Variants in LPAR6 observed in about 807,000 individuals in gnomAD.
LPAR6 encodes lysophosphatidic acid receptor 6.
In LPAR6, 17 loss-of-function variants were observed where a neutral mutation model predicts 22.0. The ratio of observed to expected loss-of-function variants is 0.77; its 90% confidence interval spans 0.53 to 1.16. The LOEUF (loss-of-function observed/expected upper bound fraction) is 1.16. Ranked by LOEUF, LPAR6 falls within the 50% of genes most tolerant of loss-of-function variation. The probability of loss-of-function intolerance (pLI) is 0.00; values close to 1 mark genes in which losing one functional copy is unlikely to be tolerated. For missense variants in LPAR6, 384 were observed against 406.9 expected, an observed-to-expected ratio of 0.94 and a Z score of 0.48; for synonymous variants, 136 against 139.8, an observed-to-expected ratio of 0.97 and a Z score of 0.19.
Position 48,420,359 on chromosome 13 carries a change from A to G in LPAR6, c.-954+2291T>C, listed in dbSNP as rs1474489734. Among the ~76,000 whole-genome samples the G allele has an allele frequency of 2.6e-5, 4 of 152,252 alleles. No individual in the cohort carries two copies. In the East Asian group the frequency reaches 7.7e-4, roughly 29 times the overall value. ...CACTGCTTCATGCTAAAAACTCTCA[A>G]TAAACTTCATATTGATGGAATGTAT... is the stretch of plus-strand genomic sequence containing the variant. On this transcript the variant is annotated intron_variant, in intron 2 of 4. Transcript: ENST00000345941.
At chr13:48,442,712 G>A (rs942167770) in intron 1 of LPAR6, among the ~76,000 whole-genome samples, 7 of 152,104 alleles carry the variant, frequency 4.6e-5, no homozygotes, top group East Asian at 1.9e-4. Flanking sequence ...CTCCCTTGGA[G>A]CTGCCTCCCA....
chr13:48,404,223 C>A (rs1441492934), intron 1 of LPAR6: 2 of 152,026 alleles, frequency 1.3e-5, no homozygotes, highest in Non-Finnish European at 2.9e-5. Context: ...AAGAGAGAAG[C>A]AGAACAGAAA....
chr13:48,430,442 A>G (rs1949117379), upstream of LPAR6, among the ~76,000 whole-genome samples: 2 of 152,212 alleles, frequency 1.3e-5, no homozygotes, highest in Non-Finnish European at 2.9e-5. Context: ...TGAGCACGTT[A>G]GAAAAATAAC....
chr13:48,402,636 CAAAGTGCTGGG>C lies in LPAR6; in HGVS notation n.115-12835_115-12825del, dbSNP rs1334454690. ...AAGTGATCCTATTGCTTTGGCTTCC[CAAAGTGCTGGG>C]ATTAGTCATGAGCTGCCACTCTTGG... On this transcript the variant is annotated intron_variant and non_coding_transcript_variant, in intron 1 of 1. Transcript: ENST00000462781. 3.9e-5 allele frequency among the ~76,000 whole-genome samples: 6 copies of C among 152,014 alleles called. No homozygotes were observed. In the South Asian group the frequency reaches 1.0e-3, roughly 26 times the overall value.
downstream of LPAR6, among the ~76,000 whole-genome samples, chr13:48,406,918 G>T (rs1948745391): frequency 6.6e-6 from 1 of 150,426 alleles, no homozygotes; most frequent in South Asian, 2.1e-4. Context: ...AACAAACAGG[G>T]TTCTTACCCT....
chr13:48,402,881 T>C (rs915703868), intron 1 of LPAR6, among the ~76,000 whole-genome samples: 10 of 152,154 alleles, frequency 6.6e-5, no homozygotes, highest in Non-Finnish European at 1.5e-4. Context: ...CTATATGACA[T>C]ATAAATCAAA....
chr13:48,394,974 A>T (rs1948636744), intron 1 of LPAR6, among the ~76,000 whole-genome samples: 1 of 152,200 alleles, frequency 6.6e-6, no homozygotes, highest in African/African-American at 2.4e-5. Flanking sequence ...GGCAGGAATC[A>T]ACAGACACCT....
intron 1 of LPAR6, among the ~76,000 whole-genome samples, chr13:48,403,861 A>T (rs900126361): frequency 6.6e-6 from 1 of 151,808 alleles, no homozygotes; most frequent in African/African-American, 2.4e-5. Flanking sequence ...CTATGAGAAT[A>T]AAAAAAATGC....
At chr13:48,392,238 G>A (rs922170108) in intron 1 of LPAR6, among the ~76,000 whole-genome samples, 1 of 152,072 alleles carries the variant, frequency 6.6e-6, no homozygotes, top group African/African-American at 2.4e-5. Flanking sequence ...AGCCTCCTGA[G>A]TGACTGGGAC....
intron 1 of LPAR6, among the ~76,000 whole-genome samples, chr13:48,443,256 G>A (rs1949255447): frequency 6.6e-6 from 1 of 151,448 alleles, no homozygotes; most frequent in African/African-American, 2.4e-5. Flanking sequence ...TCCTTTTTCA[G>A]TAAATGGATA....
chr13:48,408,928 A>G (rs1317384254), downstream of LPAR6, among the ~76,000 whole-genome samples: 1 of 152,152 alleles, frequency 6.6e-6, no homozygotes, highest in Non-Finnish European at 1.5e-5. Context: ...TCAAAGTTAT[A>G]CAATTCTCCA....
At chr13:48,415,635 A>G (rs978944182), upstream of LPAR6, 6 of 152,120 alleles carry the variant, frequency 3.9e-5, no homozygotes, top group African/African-American at 1.4e-4. Context: ...TGGATAGATC[A>G]CTATTTGTTG....
At chr13:48,406,114 A>G (rs201563852), downstream of LPAR6, among the ~76,000 whole-genome samples, 51 of 71,186 alleles carry the variant, frequency 7.2e-4, 1 homozygote, top group South Asian at 0.022. Flanking sequence ...GTGTGTGTGT[A>G]TGTATGTATG....
rs149671256 is a variant in LPAR6 at position 48,434,415 on chromosome 13, T to C, written c.-1474+10138A>G. 7.9e-5 allele frequency among the ~76,000 whole-genome samples: 12 copies of C among 152,248 alleles called. No individual in the cohort carries two copies. In the East Asian group the frequency reaches 2.1e-3, roughly 27 times the overall value. ...TTGCTCTGTCAGCAATATCTGGAAA[T>C]AGCATTAGTCATTTTTCTTCAGGTG... On this transcript the variant is annotated intron_variant, in intron 1 of 6. Coordinates refer to the LPAR6 transcript ENST00000378434.
Position 48,412,309 on chromosome 13 carries a change from T to C in LPAR6, c.115A>G (p.Ile39Val). 1 of 1,613,340 alleles carries C rather than the reference T, an allele frequency of 6.2e-7. No individual in the cohort carries two copies. Among genetic ancestry groups the C allele is most frequent in the Non-Finnish European group, 8.5e-7 (1 of 1,179,284 alleles). ...VLGLISNCVA[I>V]YIFICVLKVR... ...TTGAGGACGCAGATGAAAATGTATA[T>C]GGCAACACAATTGGATATTAACCCA... The change falls in exon 1 of 1, where the codon ATA becomes GTA. Residue 39 changes from isoleucine to valine, a missense_variant. Ile to Val is a conservative substitution (Grantham distance 29, BLOSUM62 3). Transcript: ENST00000620633.
chr13:48,410,975 T>C (rs563041521), downstream of LPAR6: 1 of 152,518 alleles, frequency 6.6e-6, no homozygotes, highest in Non-Finnish European at 1.5e-5. Context: ...ATATGATTAG[T>C]AGTTTTAATT....
chr13:48,423,400 G>C (rs573738613), intron 1 of LPAR6, among the ~76,000 whole-genome samples: 1 of 152,122 alleles, frequency 6.6e-6, no homozygotes, highest in Non-Finnish European at 1.5e-5. Flanking sequence ...AATAGATCAA[G>C]GAGTCACCTT....
At chr13:48,401,739 A>G (rs1948693694) in intron 1 of LPAR6, among the ~76,000 whole-genome samples, 1 of 152,208 alleles carries the variant, frequency 6.6e-6, no homozygotes, top group South Asian at 2.1e-4. Flanking sequence ...TTAGAACATG[A>G]TAAGGAAACG....
At chr13:48,413,807 A>C (rs990112398), upstream of LPAR6, among the ~76,000 whole-genome samples, 2 of 152,202 alleles carry the variant, frequency 1.3e-5, no homozygotes, top group Non-Finnish European at 2.9e-5. Context: ...TTACTTTCTA[A>C]GCACAAAATG....
Sources: gnomAD v4.1 joint callset for allele counts (sites outside exome capture counted in the v4.1 genomes callset) on GRCh38, gnomAD v4.1.1 for gene constraint, MANE v1.5 for transcripts, NCBI Gene and HGNC (gene_info 2026-07-23, HGNC 2026-07-21) for gene names.